ADGRB3: variants seen among roughly 807,000 people sequenced by gnomAD.
The protein encoded by ADGRB3 is adhesion G protein-coupled receptor B3, also known as brain-specific angiogenesis inhibitor 3.
In ADGRB3, 37 loss-of-function variants were observed where a neutral mutation model predicts 193.4. The ratio of observed to expected loss-of-function variants is 0.19; its 90% CI spans 0.15 to 0.25. The LOEUF (loss-of-function observed/expected upper bound fraction) is 0.25, where lower values mean the gene tolerates loss of function less well. Ranked by LOEUF, ADGRB3 falls within the 10% of genes least tolerant of loss-of-function variation. The pLI is 1.00. For synonymous variants in ADGRB3, 690 were observed against 644.2 expected, an observed-to-expected ratio of 1.07 and a Z score of -1.08; for missense variants, 1,637 against 1,852.9, an observed-to-expected ratio of 0.88 and a Z score of 2.14.
intron 16 of ADGRB3, among the ~76,000 whole-genome samples, chr6:69,074,673 T>C (rs1396111883): frequency 6.6e-6 from 1 of 151,232 alleles, no homozygotes; most frequent in African/African-American, 2.4e-5. Flanking sequence ...GCCTCCAGAG[T>C]AGCTGGGACT....
intron 17 of ADGRB3, chr6:69,232,399 A>G: frequency 7.0e-7 from 1 of 1,434,620 alleles, no homozygotes; most frequent in Non-Finnish European, 9.1e-7. Context: ...GGGGTGGGAA[A>G]TAAACCATAT....
intron 3 of ADGRB3, among the ~76,000 whole-genome samples, chr6:68,646,453 G>T (rs1768216421): frequency 7.1e-6 from 1 of 141,518 alleles, no homozygotes; most frequent in Non-Finnish European, 1.5e-5. Context: ...CTCCAGCCTG[G>T]CCAACAAGAG....
intron 3 of ADGRB3, among the ~76,000 whole-genome samples, chr6:68,856,322 G>A (rs1375968106): frequency 6.6e-6 from 1 of 152,206 alleles, no homozygotes; most frequent in East Asian, 1.9e-4. Flanking sequence ...AACAGGCATA[G>A]GTTTGAACAG....
chr6:68,875,968 C>T (rs1444177630), intron 3 of ADGRB3, among the ~76,000 whole-genome samples: 14 of 151,870 alleles, frequency 9.2e-5, no homozygotes, highest in Admixed American at 9.2e-4. Context: ...CAATTTAATG[C>T]TAAAGCATAA....
At chr6:68,678,153 G>T (rs1165298023) in intron 3 of ADGRB3, among the ~76,000 whole-genome samples, 2 of 152,040 alleles carry the variant, frequency 1.3e-5, no homozygotes, top group Non-Finnish European at 2.9e-5. Context: ...GGGTACTGTG[G>T]CTCATGCTTG....
At chr6:69,318,406 A>G (rs973376194) in intron 20 of ADGRB3, among the ~76,000 whole-genome samples, 1 of 151,262 alleles carries the variant, frequency 6.6e-6, no homozygotes, top group African/African-American at 2.4e-5. Context: ...ATGTTGAGTC[A>G]CCCTGCATTA....
chr6:69,116,795 G>A (rs1773544532), intron 17 of ADGRB3, among the ~76,000 whole-genome samples: 1 of 152,190 alleles, frequency 6.6e-6, no homozygotes. Flanking sequence ...CATTGCCTGA[G>A]GCAGAGCTTT....
intron 3 of ADGRB3, among the ~76,000 whole-genome samples, chr6:68,885,872 TTA>T (rs1473888044): frequency 6.6e-6 from 1 of 152,098 alleles, no homozygotes; most frequent in Non-Finnish European, 1.5e-5. Context: ...ATTTAGAGGC[TTA>T]GAGTCAAAAT....
chr6:68,928,738 A>G (rs905838030), intron 3 of ADGRB3, among the ~76,000 whole-genome samples: 15 of 152,276 alleles, frequency 9.9e-5, no homozygotes, highest in Non-Finnish European at 1.9e-4. Flanking sequence ...GCTCAGTGCC[A>G]AAATTACCTT....
intron 3 of ADGRB3, among the ~76,000 whole-genome samples, chr6:68,861,165 A>T (rs1308754822): frequency 6.6e-6 from 1 of 152,138 alleles, no homozygotes; most frequent in Non-Finnish European, 1.5e-5. Flanking sequence ...AATAAACCCT[A>T]TTATCCTCAG....
At chr6:68,887,495 T>G (rs1287919693) in intron 3 of ADGRB3, among the ~76,000 whole-genome samples, 4 of 152,152 alleles carry the variant, frequency 2.6e-5, no homozygotes, top group African/African-American at 7.2e-5. Context: ...TATTTTCCGG[T>G]TAGCAGACAA....
intron 13 of ADGRB3, among the ~76,000 whole-genome samples, chr6:69,046,700 A>G (rs551073917): frequency 3.3e-5 from 5 of 152,354 alleles, no homozygotes; most frequent in East Asian, 1.9e-4. Context: ...ATAAAGTACA[A>G]TTTCACTAAT....
chr6:68,649,844 T>C (rs1486223287), intron 3 of ADGRB3, among the ~76,000 whole-genome samples: 2 of 152,208 alleles, frequency 1.3e-5, no homozygotes, highest in Non-Finnish European at 2.9e-5. Flanking sequence ...CCCTGTCCTC[T>C]GTTGAAGGTT....
chr6:68,955,050 T>G (rs1768033649), intron 6 of ADGRB3, among the ~76,000 whole-genome samples: 1 of 152,174 alleles, frequency 6.6e-6, no homozygotes, highest in Admixed American at 6.5e-5. Context: ...CCTCTCTCTT[T>G]TTTAAAACTT....
intron 6 of ADGRB3, among the ~76,000 whole-genome samples, chr6:68,946,919 G>T (rs903316743): frequency 6.6e-6 from 1 of 152,108 alleles, no homozygotes; most frequent in Non-Finnish European, 1.5e-5. Flanking sequence ...ATACCTATAA[G>T]TAGATAATAT....
chr6:69,222,895 A>C (rs1582557000), intron 17 of ADGRB3, among the ~76,000 whole-genome samples: 1 of 152,162 alleles, frequency 6.6e-6, no homozygotes. Flanking sequence ...TTAGTTTAGT[A>C]TATATATGAT....
chr6:68,975,144 A>G (rs1369511843), intron 9 of ADGRB3, 90 bp from the exon 10 acceptor site: 1 of 1,070,014 alleles, frequency 9.3e-7, no homozygotes, highest in African/African-American at 1.6e-5. Context: ...AAAAAAGTAC[A>G]AACTTAATTT....
intron 29 of ADGRB3, among the ~76,000 whole-genome samples, chr6:69,365,969 A>G (rs1769559151): frequency 6.6e-6 from 1 of 152,064 alleles, no homozygotes; most frequent in Admixed American, 6.6e-5. Context: ...AATGCCCTGA[A>G]TTTCTGCAAA....
chr6:69,199,574 A>G (rs1020817723), intron 17 of ADGRB3, among the ~76,000 whole-genome samples: 2 of 152,150 alleles, frequency 1.3e-5, no homozygotes, highest in Admixed American at 1.3e-4. Context: ...ACAAGTTTCT[A>G]AAAGTTAAGT....
Sources: allele counts gnomAD v4.1 joint callset (sites outside exome capture counted in the v4.1 genomes callset), GRCh38; gene constraint gnomAD v4.1.1; transcripts MANE v1.5; gene names NCBI Gene and HGNC (gene_info 2026-07-23, HGNC 2026-07-21).